The following FMN2 variants were observed in gnomAD, a reference collection of about 807,000 sequenced individuals.
The protein encoded by FMN2 is formin 2.
FMN2 carries 51 observed loss-of-function variants against 142.3 expected under a neutral mutation model. The ratio of observed to expected loss-of-function variants is 0.36; its 90% CI spans 0.29 to 0.45. FMN2 has a LOEUF of 0.45. Ranked by LOEUF, FMN2 falls within the 20% of genes least tolerant of loss-of-function variation. The pLI, the probability that FMN2 is intolerant of heterozygous loss-of-function variation, is 1.00. For synonymous variants in FMN2, 882 were observed against 869.8 expected (o/e 1.01, Z -0.25); for missense variants, 1,936 against 2,122.8 (o/e 0.91, Z 1.73).
intron 14 of FMN2, among the ~76,000 whole-genome samples, chr1:240,362,230 T>C (rs958330422): frequency 6.6e-6 from 1 of 152,194 alleles, no homozygotes; most frequent in Non-Finnish European, 1.5e-5. Flanking sequence ...ATAACTTAGC[T>C]TATCTCTATT....
chr1:240,325,857 G>GA (rs1671155280), intron 8 of FMN2, among the ~76,000 whole-genome samples: 3 of 152,304 alleles, frequency 2.0e-5, no homozygotes, highest in Admixed American at 2.0e-4. Flanking sequence ...ACCTGATGGG[G>GA]AAAAATCTGT....
intron 16 of FMN2, among the ~76,000 whole-genome samples, chr1:240,456,182 T>C (rs1018360925): frequency 3.9e-5 from 6 of 152,108 alleles, no homozygotes; most frequent in African/African-American, 1.4e-4. Flanking sequence ...AATTTTATAG[T>C]CCAGACCCAT....
intron 16 of FMN2, among the ~76,000 whole-genome samples, chr1:240,454,849 A>G (rs999820934): frequency 6.6e-6 from 1 of 151,934 alleles, no homozygotes; most frequent in Admixed American, 6.6e-5. Context: ...GGCAAATTCA[A>G]GATAAAGGTG....
chr1:240,093,620 A>C lies in FMN2; in HGVS notation c.1511A>C (p.Glu504Ala). The change falls in exon 1 of 18, where the codon GAG becomes GCG. Residue 504 changes from glutamate to alanine, a missense_variant. Physicochemically the swap from Glu to Ala is moderately radical, Grantham distance 107. Coordinates refer to ENST00000319653, the MANE Select transcript of FMN2 (RefSeq NM_020066.5). Reference sequence around the variant, plus strand: ...GTGGGAGGCTCCGCGCACCTGCTGGAGCGCGGGGTGGCGAGTGACAGCGGC... The same window carrying C: ...GTGGGAGGCTCCGCGCACCTGCTGGCGCGCGGGGTGGCGAGTGACAGCGGC... ...PRVGGSAHLL[E>A]RGVASDSGGG... The C allele has an allele frequency of 1.4e-6, 2 of 1,424,700 alleles. No homozygotes were observed. Among genetic ancestry groups the C allele is most frequent in the Non-Finnish European group, 1.8e-6 (2 of 1,100,252 alleles). The allele number at this position is 1,424,700 out of a possible 1,614,324, so 88.3% of individuals were successfully genotyped here.
At chr1:240,171,770 G>A (rs11810348) in intron 2 of FMN2, among the ~76,000 whole-genome samples, 6,719 of 152,246 alleles carry the variant, frequency 0.044, 496 homozygotes, top group African/African-American at 0.15. Flanking sequence ...ATAACCTAGT[G>A]AAAAGATGGG....
chr1:240,114,342 A>G (rs948284206), intron 1 of FMN2, among the ~76,000 whole-genome samples: 1 of 152,294 alleles, frequency 6.6e-6, no homozygotes, highest in South Asian at 2.1e-4. Context: ...GCTAGGTGCA[A>G]TCTGACAGTT....
intron 1 of FMN2, among the ~76,000 whole-genome samples, chr1:240,122,341 G>GCAACCTCCGCCACCCAGCTT (rs1274941951): frequency 1.3e-5 from 2 of 151,940 alleles, no homozygotes; most frequent in Non-Finnish European, 2.9e-5. Flanking sequence ...TCGGCTCACT[G>GCAACCTCCGCCACCCAGCTT]CAACCTCCGC....
chr1:240,199,120 A>G (rs1179648176), intron 4 of FMN2, among the ~76,000 whole-genome samples: 4 of 151,510 alleles, frequency 2.6e-5, no homozygotes, highest in Admixed American at 1.3e-4. Context: ...ACAAACAAAC[A>G]AAAAACAATA....
intron 2 of FMN2, chr1:240,142,586 T>C: frequency 1.5e-6 from 2 of 1,375,012 alleles, no homozygotes; most frequent in Non-Finnish European, 2.0e-6. Context: ...CCCCCGGAAG[T>C]CTGCAGCTGT....
At chr1:240,156,060 C>G (rs897748132) in intron 2 of FMN2, among the ~76,000 whole-genome samples, 7 of 151,964 alleles carry the variant, frequency 4.6e-5, no homozygotes, top group Admixed American at 4.6e-4. Context: ...GCAACATAGT[C>G]AGACTCTGTC....
chr1:240,345,287 T>A lies in FMN2; in HGVS notation c.4766-10529T>A, dbSNP rs369923911. 1.3e-4 allele frequency among the ~76,000 whole-genome samples: 20 copies of A among 152,306 alleles called. 1 individual carries two copies. In the East Asian group the frequency reaches 3.9e-3, roughly 29 times the overall value. On this transcript the variant is annotated intron_variant, in intron 13 of 17. Transcript: ENST00000319653. ...TGAGAGTGTAAATGTCAATAACTTT[T>A]CAAATCATGCTGAGAATTTCATCTT...
In FMN2 at chr1:240,355,951, C is replaced by CAAAAAAAAAAAAAAAAAAAAA. The variant is rs58002724; in HGVS notation, c.4858+58_4858+78dup. ...GTGTTATGTTTTTCTCCCCTTTCAG[C>CAAAAAAAAAAAAAAAAAAAAA]AAAAAAAAAAAAAAAAAAAAAAAAA... On this transcript the variant is annotated intron_variant, in intron 14 of 17. Transcript: ENST00000319653. 5.5e-5 allele frequency: 14 copies of CAAAAAAAAAAAAAAAAAAAAA among 252,962 alleles called. 1 individual carries two copies. Among genetic ancestry groups the CAAAAAAAAAAAAAAAAAAAAA allele is most frequent in the African/African-American group, 1.2e-4 (3 of 25,946 alleles). 15.7% of individuals were successfully genotyped at this position (252,962 alleles called of 1,614,324 possible).
At chr1:240,342,133 C>A (rs1260884081) in intron 13 of FMN2, among the ~76,000 whole-genome samples, 1 of 152,170 alleles carries the variant, frequency 6.6e-6, no homozygotes, top group Non-Finnish European at 1.5e-5. Context: ...TTTGGCTTCT[C>A]TACTATTTCT....
chr1:240,334,773 A>G (rs1380120619), intron 13 of FMN2, among the ~76,000 whole-genome samples: 1 of 152,222 alleles, frequency 6.6e-6, no homozygotes, highest in Non-Finnish European at 1.5e-5. Flanking sequence ...TAGCATTTAC[A>G]AAAAAGCAAA....
chr1:240,417,349 T>C (rs1433150312), intron 15 of FMN2, among the ~76,000 whole-genome samples: 2 of 151,620 alleles, frequency 1.3e-5, no homozygotes, highest in African/African-American at 4.8e-5. Context: ...CCAGAGAGGA[T>C]TTGGATTTGT....
chr1:240,098,034 T>C (rs1192690545), intron 1 of FMN2, among the ~76,000 whole-genome samples: 1 of 151,610 alleles, frequency 6.6e-6, no homozygotes, highest in Non-Finnish European at 1.5e-5. Context: ...ATTAATAAAG[T>C]GCATAGGCTC....
intron 16 of FMN2, 195 bp from the exon 17 acceptor site, chr1:240,472,177 C>T (rs1676833498): frequency 3.9e-6 from 2 of 518,150 alleles, no homozygotes; most frequent in East Asian, 3.5e-5. Flanking sequence ...TTAAGAACTC[C>T]TAGATAAATT....
chr1:240,164,255 A>G lies in FMN2; in HGVS notation c.1783-13666A>G, dbSNP rs146212609. On this transcript the variant is annotated intron_variant, in intron 2 of 17. Transcript: ENST00000319653. ...TTTTTGTTTTTTGGTACTTTCACCT[A>G]TTTCCTGACAAATTAAGCAACCTTA... Among the ~76,000 whole-genome samples the G allele has an allele frequency of 2.6e-3, 402 of 152,188 alleles. 2 individuals are homozygous for G. Among genetic ancestry groups the G allele is most frequent in the Non-Finnish European group, 4.3e-3 (290 of 68,006 alleles).
chr1:240,428,092 G>A lies in FMN2; in HGVS notation c.4911-9969G>A, dbSNP rs117307094. Among the ~76,000 whole-genome samples, 522 of 152,140 alleles carry A rather than the reference G, an allele frequency of 3.4e-3. 16 individuals are homozygous for A. The East Asian group carries it at 0.076, about 22-fold the overall frequency. ...TTTACCAATTTTCAAAATAATGAGCGGTGTCGCTAGCACCTTCCACCAAAA... is the reference window on the plus strand; with the variant it reads ...TTTACCAATTTTCAAAATAATGAGCAGTGTCGCTAGCACCTTCCACCAAAA... On this transcript the variant is annotated intron_variant, in intron 15 of 17. Coordinates refer to ENST00000319653, the MANE Select transcript of FMN2 (RefSeq NM_020066.5).
Sources: allele counts gnomAD v4.1 joint callset (sites outside exome capture counted in the v4.1 genomes callset), GRCh38; gene constraint gnomAD v4.1.1; transcripts MANE v1.5; gene names NCBI Gene and HGNC (gene_info 2026-07-23, HGNC 2026-07-21).